Variants in RBPJ observed in about 807,000 individuals in gnomAD.
RBPJ encodes the protein recombining binding protein suppressor of hairless.
A neutral mutation model predicts 67.8 loss-of-function variants in RBPJ; 9 were observed. That is an observed-to-expected ratio of 0.13 (90% CI 0.08 to 0.23). The LOEUF (loss-of-function observed/expected upper bound fraction) is 0.23, where lower values mean the gene tolerates loss of function less well. Among genes scored for constraint, RBPJ ranks in the 10% least tolerant of loss-of-function variants. RBPJ has a pLI of 1.00. For synonymous variants in RBPJ, 198 were observed against 203.3 expected, an observed-to-expected ratio of 0.97 and a Z score of 0.22; for missense variants, 305 against 595.6, an observed-to-expected ratio of 0.51 and a Z score of 5.08.
chr4:26,253,950 T>C (rs989766724), intron 1 of RBPJ, among the ~76,000 whole-genome samples: 1 of 149,086 alleles, frequency 6.7e-6, no homozygotes, highest in Admixed American at 6.6e-5. Flanking sequence ...TGGTGCAAAG[T>C]GATGATAGTC....
chr4:26,186,722 T>C (rs192800257), intron 1 of RBPJ, among the ~76,000 whole-genome samples: 1 of 152,336 alleles, frequency 6.6e-6, no homozygotes, highest in East Asian at 1.9e-4. Flanking sequence ...AAAACAAGTC[T>C]GAAAACTATA....
In RBPJ at chr4:26,255,263, G is replaced by A. The variant is rs571939303; in HGVS notation, c.-167+91649G>A. 1.4e-4 allele frequency among the ~76,000 whole-genome samples: 20 copies of A among 140,012 alleles called. No individual in the cohort carries two copies. The South Asian group carries it at 3.7e-3, about 26-fold the overall frequency. The allele number at this position is 140,012 out of a possible 152,430, so 91.9% of individuals were successfully genotyped here. A position where few individuals can be genotyped will look rare whatever the true frequency, so the allele number is the denominator to read the frequency against. The stretch of plus-strand genomic sequence containing the variant: ...ACTAAAAATACAAAAAATGAGCCGG[G>A]CGTGGTGGCGGGCGCCTGTAGTCCC... On this transcript the variant is annotated intron_variant, in intron 1 of 4. Transcript: ENST00000512351.
intron 1 of RBPJ, among the ~76,000 whole-genome samples, chr4:26,367,212 G>A (rs950137887): frequency 2.6e-5 from 4 of 152,068 alleles, no homozygotes; most frequent in Admixed American, 2.6e-4. Context: ...GCCAAGTGCA[G>A]TTGCTCACGC....
intron 7 of RBPJ, among the ~76,000 whole-genome samples, chr4:26,426,844 A>AGG (rs1206955423): frequency 1.3e-5 from 2 of 152,166 alleles, no homozygotes; most frequent in East Asian, 3.9e-4. Flanking sequence ...GAGCGGAGGG[A>AGG]GGAGAGGTCA....
chr4:26,325,847 T>A (rs907273), intron 1 of RBPJ, among the ~76,000 whole-genome samples: 3,591 of 152,262 alleles, frequency 0.024, 123 homozygotes, highest in African/African-American at 0.071. Context: ...TTCTCAAGAC[T>A]AAGGGAATAT....
chr4:26,127,051 T>C, the RBPJ span, among the ~76,000 whole-genome samples: 1 of 152,172 alleles, frequency 6.6e-6, no homozygotes. Flanking sequence ...GCACTGAGAA[T>C]TTCAGCCAGT....
In RBPJ at chr4:26,424,074, T is replaced by C. The variant is rs1431640297; in HGVS notation, c.497-268T>C. ...ATTATTTTAAAAGTAAGTTTTTCTC[T>C]AATAATCAGCACCACATTAAACATA... On this transcript the variant is annotated intron_variant, in intron 5 of 10. Coordinates refer to ENST00000355476, the MANE Select transcript of RBPJ (RefSeq NM_015874.6). The surrounding 1 kb of genome is among the most constrained non-coding windows in gnomAD (Gnocchi z 5.3). Among the ~76,000 whole-genome samples, 1 of 152,248 alleles carries C rather than the reference T, an allele frequency of 6.6e-6. No homozygotes were observed. Among genetic ancestry groups the C allele is most frequent in the Non-Finnish European group, 1.5e-5 (1 of 68,052 alleles).
upstream of RBPJ, among the ~76,000 whole-genome samples, chr4:26,317,026 T>C (rs1338384025): frequency 1.3e-5 from 2 of 151,444 alleles, no homozygotes; most frequent in Admixed American, 1.3e-4. Flanking sequence ...TCTACAAATA[T>C]AATACAGCAG....
intron 1 of RBPJ, among the ~76,000 whole-genome samples, chr4:26,270,876 C>A (rs569386534): frequency 6.6e-5 from 10 of 152,196 alleles, no homozygotes; most frequent in South Asian, 2.1e-4. Context: ...GCCTCCCCCC[C>A]ACCCTTATCC....
chr4:26,219,249 G>C lies in RBPJ; in HGVS notation c.-167+55635G>C, dbSNP rs148167024. Among the ~76,000 whole-genome samples, 143 of 152,282 alleles carry C rather than the reference G, an allele frequency of 9.4e-4. 5 individuals are homozygous for C. In the East Asian group the frequency reaches 0.026, roughly 28 times the overall value. ...CTCTGCCCACCAGCCTACCAGCCAC[G>C]AGTCTTATTGGGGGTGGCAAGGTTA... On this transcript the variant is annotated intron_variant, in intron 1 of 4. Transcript: ENST00000512351.
intron 1 of RBPJ, among the ~76,000 whole-genome samples, chr4:26,197,592 G>C (rs1717815522): frequency 1.3e-5 from 2 of 152,178 alleles, no homozygotes; most frequent in South Asian, 4.1e-4. Flanking sequence ...TGGGCCTGCA[G>C]CCTCCCAGGA....
At chr4:26,287,552 C>CGGAAAGGAAAGGAAA (rs759173409) in intron 1 of RBPJ, among the ~76,000 whole-genome samples, 5 of 68,802 alleles carry the variant, frequency 7.3e-5, no homozygotes, top group Non-Finnish European at 1.0e-4. Flanking sequence ...GACCTTGCCT[C>CGGAAAGGAAAGGAAA]GGAAAGGAAA....
At chr4:26,125,319 A>G in the RBPJ span, among the ~76,000 whole-genome samples, 1 of 152,162 alleles carries the variant, frequency 6.6e-6, no homozygotes, top group African/African-American at 2.4e-5. Context: ...ACATACTTTT[A>G]TAGGAAGTGG....
chr4:26,297,311 A>G (rs1240583345), intron 1 of RBPJ, among the ~76,000 whole-genome samples: 1 of 145,556 alleles, frequency 6.9e-6, no homozygotes, highest in Non-Finnish European at 1.5e-5. Context: ...TCAAAGATAA[A>G]CAAATAAATT....
At chr4:26,120,303 C>G in the RBPJ span, among the ~76,000 whole-genome samples, 1 of 152,134 alleles carries the variant, frequency 6.6e-6, no homozygotes, top group East Asian at 1.9e-4. Flanking sequence ...GCAGGCTTTT[C>G]AACTGATGTT....
At chr4:26,303,919 G>A (rs1405340647) in intron 1 of RBPJ, among the ~76,000 whole-genome samples, 1 of 152,160 alleles carries the variant, frequency 6.6e-6, no homozygotes, top group Non-Finnish European at 1.5e-5. Context: ...CACCTAAAGT[G>A]CAAATTCAGT....
chr4:26,144,371 G>T, the RBPJ span, among the ~76,000 whole-genome samples: 5 of 140,038 alleles, frequency 3.6e-5, no homozygotes, highest in African/African-American at 1.3e-4. Flanking sequence ...CTGAGTTCAA[G>T]CAATTCTCCT....
the RBPJ span, among the ~76,000 whole-genome samples, chr4:26,141,127 A>G: frequency 6.6e-6 from 1 of 152,210 alleles, no homozygotes; most frequent in Non-Finnish European, 1.5e-5. Flanking sequence ...GACAAGGCCA[A>G]TAATCCTACC....
chr4:26,223,973 A>G (rs1718999255), intron 1 of RBPJ, among the ~76,000 whole-genome samples: 1 of 152,220 alleles, frequency 6.6e-6, no homozygotes, highest in Non-Finnish European at 1.5e-5. Flanking sequence ...AATGGGAATA[A>G]TTGTCTCCAC....
Sources: gnomAD v4.1 joint callset for allele counts (sites outside exome capture counted in the v4.1 genomes callset) on GRCh38, gnomAD v4.1.1 for gene constraint, Gnocchi (gnomAD v3.1) non-coding constraint, MANE v1.5 for transcripts, NCBI Gene and HGNC (gene_info 2026-07-23, HGNC 2026-07-21) for gene names.